CT55: variants seen among roughly 807,000 people sequenced by gnomAD.
The protein encoded by CT55 is cancer/testis antigen 55, also known as BRCA2-interacting protein.
CT55 carries 1 observed loss-of-function variant against 12.6 expected under a neutral mutation model. The ratio of observed to expected loss-of-function variants is 0.08; its 90% CI spans 0.03 to 0.38. The LOEUF (loss-of-function observed/expected upper bound fraction) is 0.38. CT55 is among the 10% of genes least tolerant of loss of function. The pLI is 0.99. For synonymous variants in CT55, 43 were observed against 49.7 expected, an observed-to-expected ratio of 0.87 and a Z score of 0.57; for missense variants, 109 against 135.4, an observed-to-expected ratio of 0.80 and a Z score of 0.97.
intron 2 of CT55, among the ~76,000 whole-genome samples, chrX:135,166,178 T>C (rs1556405992): frequency 9.2e-6 from 1 of 108,810 alleles, no homozygotes; most frequent in East Asian, 2.9e-4. Flanking sequence ...CATGCCAAAA[T>C]TCCTGATCAA....
At chrX:135,162,673 T>C (rs2083567621) in intron 2 of CT55, among the ~76,000 whole-genome samples, 1 of 111,418 alleles carries the variant, frequency 9.0e-6, no homozygotes, top group Non-Finnish European at 1.9e-5. Flanking sequence ...GTAGCAAGCA[T>C]AGGACATTGC....
intron 1 of CT55, among the ~76,000 whole-genome samples, chrX:135,170,434 C>T (rs1427227825): frequency 3.6e-5 from 4 of 112,281 alleles, no homozygotes; most frequent in African/African-American, 3.2e-5. Flanking sequence ...TATTATATTC[C>T]TTCATCATTA....
chrX:135,171,420 C>A, upstream of CT55: 1 of 460,863 alleles, frequency 2.2e-6, no homozygotes, highest in Non-Finnish European at 3.3e-6. Flanking sequence ...CGTCAGGGCC[C>A]GCCTCTACCA....
rs782375473 is a variant in CT55 at position 135,159,128 on chromosome X, G to A, written c.425-817C>T. ...CAGTAAATTGCCACAATGAAAACTA[G>A]TGATATCAACAAAGTTAAACATTTC... On this transcript the variant is annotated intron_variant, in intron 3 of 5. Coordinates refer to ENST00000276241, the MANE Select transcript of CT55 (RefSeq NM_001031705.3). Among the ~76,000 whole-genome samples the A allele has an allele frequency of 3.6e-5, 4 of 111,413 alleles. No homozygotes were observed. The South Asian group carries it at 1.5e-3, about 43-fold the overall frequency.
intron 2 of CT55, 98 bp downstream of exon 2, chrX:135,169,496 G>T: frequency 1.5e-6 from 1 of 650,369 alleles, no homozygotes; most frequent in Non-Finnish European, 2.3e-6. Flanking sequence ...CCACTCTACG[G>T]ATCACAGCAG....
chrX:135,158,982 G>A (rs1221953014), intron 3 of CT55, among the ~76,000 whole-genome samples: 1 of 112,186 alleles, frequency 8.9e-6, no homozygotes, highest in African/African-American at 3.2e-5. Context: ...GTGCCTTACA[G>A]GTTACAGTTA....
chrX:135,171,110 C>G lies in CT55; in HGVS notation c.62G>C (p.Arg21Pro). 8.3e-7 allele frequency: 1 copy of G among 1,211,679 alleles called. No individual in the cohort carries two copies. The highest frequency in any genetic ancestry group is 1.1e-6 in the Non-Finnish European group (1 of 895,437). ...GAGGCCCTGCTGCTGTGGGCCCTGT[C>G]GCTCTGCAGGGTCGGCCGTCCTCCC... ...FYGRTADPAE[R>P]QGPQQQGLPQ... Residue 21 changes from arginine (R) to proline (P), a missense_variant, in exon 1 of 6, where the codon CGA (arginine) becomes CCA (proline). Physicochemically the swap from Arg to Pro is moderately radical, Grantham distance 103 (BLOSUM62 -2). Coordinates refer to ENST00000276241, the MANE Select transcript of CT55 (RefSeq NM_001031705.3).
chrX:135,159,543 G>T (rs1467472083), intron 3 of CT55, among the ~76,000 whole-genome samples: 1 of 111,135 alleles, frequency 9.0e-6, no homozygotes, highest in Non-Finnish European at 1.9e-5. Flanking sequence ...TACCTCCTGG[G>T]TTCTTCTCTC....
chrX:135,168,469 T>C (rs782763383), intron 2 of CT55, among the ~76,000 whole-genome samples: 1 of 111,454 alleles, frequency 9.0e-6, no homozygotes, highest in South Asian at 3.8e-4. Context: ...AATGAGAAGA[T>C]GTTGGTGAAA....
Sources: allele counts gnomAD v4.1 joint callset (sites outside exome capture counted in the v4.1 genomes callset), GRCh38; gene constraint gnomAD v4.1.1; transcripts MANE v1.5; gene names NCBI Gene and HGNC (gene_info 2026-07-23, HGNC 2026-07-21).